The following TMEM143 variants were observed in gnomAD, a reference collection of about 807,000 sequenced individuals.
The protein encoded by TMEM143 is transmembrane protein 143.
In TMEM143, 45 loss-of-function variants were observed where a neutral mutation model predicts 40.3. The observed-to-expected ratio is 1.12, with a 90% confidence interval of 0.88 to 1.43. The LOEUF (loss-of-function observed/expected upper bound fraction) is 1.43, where lower values mean the gene tolerates loss of function less well. Among genes scored for constraint, TMEM143 ranks in the 40% most tolerant of loss-of-function variants. TMEM143 has a pLI of 0.00. For missense variants in TMEM143, 620 were observed against 613.4 expected, an observed-to-expected ratio of 1.01 and a Z score of -0.11; for synonymous variants, 299 against 282.7, an observed-to-expected ratio of 1.06 and a Z score of -0.58.
chr19:48,335,948 G>C (rs1364303779), intron 6 of TMEM143, among the ~76,000 whole-genome samples: 1 of 152,060 alleles, frequency 6.6e-6, no homozygotes, highest in Non-Finnish European at 1.5e-5. Context: ...AGGATGTTGG[G>C]GGGAAGAACA....
chr19:48,349,437 A>T (rs1969715427), intron 3 of TMEM143, among the ~76,000 whole-genome samples: 4 of 152,236 alleles, frequency 2.6e-5, no homozygotes, highest in African/African-American at 9.6e-5. Context: ...TAAGGCCAGG[A>T]GTTCAAGACC....
intron 3 of TMEM143, among the ~76,000 whole-genome samples, chr19:48,354,021 C>A (rs939586187): frequency 6.6e-6 from 1 of 151,320 alleles, no homozygotes; most frequent in South Asian, 2.1e-4. Context: ...TGCAGTGGTG[C>A]GATCTTGGCT....
chr19:48,343,261 C>T (rs1454964728), intron 5 of TMEM143, 60 bp downstream of exon 5: 4 of 1,558,872 alleles, frequency 2.6e-6, no homozygotes, highest in Non-Finnish European at 3.5e-6. Flanking sequence ...ACCTGTCAGT[C>T]CCCTCTTGAC....
intron 3 of TMEM143, among the ~76,000 whole-genome samples, chr19:48,358,871 T>C (rs1371941064): frequency 6.6e-6 from 1 of 151,984 alleles, no homozygotes. Context: ...TCACTCAGAG[T>C]CAAAGCAAGG....
At chr19:48,341,977 G>A (rs537623263) in intron 6 of TMEM143, among the ~76,000 whole-genome samples, 24 of 151,610 alleles carry the variant, frequency 1.6e-4, no homozygotes, top group African/African-American at 5.8e-4. Flanking sequence ...AGAAAACTGA[G>A]GCTCAGAGAG....
chr19:48,334,269 C>T (rs993985907), intron 6 of TMEM143, 72 bp from the exon 7 acceptor site: 12 of 1,464,678 alleles, frequency 8.2e-6, no homozygotes, highest in African/African-American at 2.8e-5. Flanking sequence ...CCCGGGGTCA[C>T]CCCCGCTGGC....
At chr19:48,361,669 A>G (rs1209188557) in intron 2 of TMEM143, among the ~76,000 whole-genome samples, 1 of 151,870 alleles carries the variant, frequency 6.6e-6, no homozygotes, top group African/African-American at 2.4e-5. Flanking sequence ...AGCTGGGACT[A>G]CAGGAGCCTG....
intron 3 of TMEM143, among the ~76,000 whole-genome samples, chr19:48,354,256 GACT>G (rs1243327939): frequency 7.5e-6 from 1 of 132,662 alleles, no homozygotes; most frequent in African/African-American, 2.9e-5. Flanking sequence ...ACCGCGCCCA[GACT>G]TTTTCTTTTT....
At chr19:48,337,560 A>G (rs1340640406) in intron 6 of TMEM143, among the ~76,000 whole-genome samples, 12 of 151,158 alleles carry the variant, frequency 7.9e-5, no homozygotes, top group Admixed American at 2.6e-4. Flanking sequence ...AAAAGAAGAA[A>G]AAAAAAAAAC....
intron 3 of TMEM143, among the ~76,000 whole-genome samples, chr19:48,348,030 A>C (rs1969682436): frequency 6.7e-6 from 1 of 149,348 alleles, no homozygotes; most frequent in South Asian, 2.1e-4. Context: ...TGTCTCAAAA[A>C]AAAAAAAAAA....
intron 3 of TMEM143, among the ~76,000 whole-genome samples, chr19:48,359,592 C>T (rs1397057556): frequency 1.3e-5 from 2 of 151,292 alleles, no homozygotes; most frequent in Non-Finnish European, 2.9e-5. Context: ...CTGCAAGCTC[C>T]GCCTCCCGGG....
chr19:48,333,532 T>C lies in TMEM143; in HGVS notation c.1166-99A>G. 3.7e-6 allele frequency: 3 copies of C among 804,698 alleles called. No individual in the cohort carries two copies. Among genetic ancestry groups the C allele is most frequent in the Non-Finnish European group, 3.9e-6 (2 of 507,794 alleles). The allele number at this position is 804,698 out of a possible 1,614,324, so 49.8% of individuals were successfully genotyped here. ...CGTAGGGCAAAGAACAGGAAGGGCC[T>C]GGGTTTGGGAGAAGCCTAGGAGTGA... On this transcript the variant is annotated intron_variant, in intron 7 of 7. Transcript: ENST00000293261. The surrounding 1 kb of genome is among the most constrained non-coding windows in gnomAD (Gnocchi z 4.1).
In TMEM143 at chr19:48,363,594, C is replaced by T; in HGVS notation, c.24-63G>A. The T allele has an allele frequency of 2.0e-6, 3 of 1,531,780 alleles. No individual in the cohort carries two copies. In the East Asian group the frequency reaches 6.9e-5, roughly 35 times the overall value. The allele number at this position is 1,531,780 out of a possible 1,614,324, so 94.9% of individuals were successfully genotyped here. ...TAGAGGAAAAGCGCCCTCTCCACCT[C>T]CACGTCCCACCCTCCAGAAGCCGTC... On this transcript the variant is annotated intron_variant, in intron 1 of 7. Transcript: ENST00000293261.
intron 3 of TMEM143, among the ~76,000 whole-genome samples, chr19:48,353,176 C>T (rs543647898): frequency 1.1e-4 from 14 of 131,150 alleles, no homozygotes; most frequent in Admixed American, 3.8e-4. Context: ...TTCAGATCAA[C>T]GACAAACTTT....
intron 2 of TMEM143, among the ~76,000 whole-genome samples, chr19:48,361,044 TC>T (rs1970029291): frequency 6.6e-6 from 1 of 151,658 alleles, no homozygotes; most frequent in African/African-American, 2.4e-5. Flanking sequence ...CACCTCAGCC[TC>T]CCAAAGTGCT....
intron 6 of TMEM143, among the ~76,000 whole-genome samples, chr19:48,334,443 TTTC>T (rs1439013010): frequency 3.7e-4 from 16 of 43,000 alleles, no homozygotes; most frequent in Non-Finnish European, 8.2e-4. Flanking sequence ...TCTTTCTTTC[TTTC>T]TTTCTTTCTT....
intron 3 of TMEM143, among the ~76,000 whole-genome samples, chr19:48,346,933 G>A (rs1356242652): frequency 6.6e-6 from 1 of 152,122 alleles, no homozygotes; most frequent in Non-Finnish European, 1.5e-5. Context: ...AACTTACTGA[G>A]GCTGTAAACA....
At chr19:48,353,575 T>C (rs77978496) in intron 3 of TMEM143, among the ~76,000 whole-genome samples, 1 of 151,860 alleles carries the variant, frequency 6.6e-6, no homozygotes, top group Non-Finnish European at 1.5e-5. Flanking sequence ...ACTAAAAAAT[T>C]ACACATAGTT....
chr19:48,342,484 T>G (rs983240816), intron 6 of TMEM143, 46 bp downstream of exon 6: 1 of 1,548,124 alleles, frequency 6.5e-7, no homozygotes, highest in South Asian at 1.2e-5. Flanking sequence ...CCTGACCTGG[T>G]CCCCACAGCG....
Sources: allele counts gnomAD v4.1 joint callset (sites outside exome capture counted in the v4.1 genomes callset), GRCh38; gene constraint gnomAD v4.1.1; non-coding constraint Gnocchi (gnomAD v3.1); transcripts MANE v1.5; gene names NCBI Gene and HGNC (gene_info 2026-07-23, HGNC 2026-07-21).